The following MIPOL1 variants were observed in gnomAD, a reference collection of about 807,000 sequenced individuals.
MIPOL1 encodes the protein mirror-image polydactyly gene 1 protein.
MIPOL1 carries 57 observed loss-of-function variants against 60.9 expected under a neutral mutation model. The ratio of observed to expected loss-of-function variants is 0.94; its 90% CI spans 0.76 to 1.17. The LOEUF is 1.17. MIPOL1 is among the 50% of genes most tolerant of loss of function. MIPOL1 has a pLI of 0.00. For synonymous variants in MIPOL1, 179 were observed against 168.8 expected, an observed-to-expected ratio of 1.06 and a Z score of -0.47; for missense variants, 551 against 511.6, an observed-to-expected ratio of 1.08 and a Z score of -0.74.
intron 11 of MIPOL1, among the ~76,000 whole-genome samples, chr14:37,470,117 G>C (rs2094661261): frequency 6.6e-6 from 1 of 152,162 alleles, no homozygotes; most frequent in South Asian, 2.1e-4. Flanking sequence ...AAGAGAAAGA[G>C]CCAATTTGCA....
At chr14:37,336,863 C>T (rs1462431009) in intron 9 of MIPOL1, among the ~76,000 whole-genome samples, 5 of 151,840 alleles carry the variant, frequency 3.3e-5, no homozygotes, top group Admixed American at 1.3e-4. Flanking sequence ...CAGGTTCAAT[C>T]GATTCTCCTG....
chr14:37,276,567 C>A (rs1367858839), intron 6 of MIPOL1: 1 of 151,040 alleles, frequency 6.6e-6, no homozygotes, highest in Admixed American at 6.6e-5. Context: ...TGTATCATAT[C>A]TCAGATGATG....
chr14:37,458,880 A>C (rs1246974504), intron 11 of MIPOL1, among the ~76,000 whole-genome samples: 2 of 150,322 alleles, frequency 1.3e-5, no homozygotes, highest in African/African-American at 2.4e-5. Context: ...TAAATAAATA[A>C]ATAAATAGAA....
intron 7 of MIPOL1, among the ~76,000 whole-genome samples, chr14:37,306,721 T>C (rs1451450199): frequency 1.3e-5 from 2 of 151,894 alleles, no homozygotes; most frequent in African/African-American, 2.4e-5. Flanking sequence ...TATTATCTTA[T>C]ACTTTTCTGT....
chr14:37,269,262 T>G (rs999216473), intron 5 of MIPOL1, among the ~76,000 whole-genome samples: 1 of 152,210 alleles, frequency 6.6e-6, no homozygotes, highest in Non-Finnish European at 1.5e-5. Context: ...AATCTTATAC[T>G]GCTGCATTTT....
chr14:37,351,581 AC>A (rs1317582914), intron 9 of MIPOL1, among the ~76,000 whole-genome samples: 2 of 145,982 alleles, frequency 1.4e-5, no homozygotes, highest in Non-Finnish European at 3.0e-5. Context: ...TTGTTTCCTG[AC>A]TTTTTAATGA....
At chr14:37,290,414 TGG>T (rs2084952649) in intron 7 of MIPOL1, among the ~76,000 whole-genome samples, 1 of 152,056 alleles carries the variant, frequency 6.6e-6, no homozygotes, top group Non-Finnish European at 1.5e-5. Context: ...TTAGTAGAGA[TGG>T]GGTTTCACCA....
intron 10 of MIPOL1, among the ~76,000 whole-genome samples, chr14:37,386,409 A>G (rs2093068971): frequency 6.6e-6 from 1 of 152,024 alleles, no homozygotes; most frequent in South Asian, 2.1e-4. Flanking sequence ...CAGTTATGTC[A>G]AGCCTGGTTG....
At chr14:37,359,057 G>C (rs1595379459) in intron 9 of MIPOL1, among the ~76,000 whole-genome samples, 1 of 152,154 alleles carries the variant, frequency 6.6e-6, no homozygotes. Context: ...CATATGGCTA[G>C]CCAGTTTTCC....
intron 10 of MIPOL1, among the ~76,000 whole-genome samples, chr14:37,402,648 T>C (rs2093507167): frequency 6.6e-6 from 1 of 152,212 alleles, no homozygotes; most frequent in African/African-American, 2.4e-5. Flanking sequence ...TGTTCCAGTA[T>C]TTTTAAATTT....
intron 9 of MIPOL1, among the ~76,000 whole-genome samples, chr14:37,328,387 C>A (rs2089375987): frequency 6.6e-6 from 1 of 152,006 alleles, no homozygotes; most frequent in Non-Finnish European, 1.5e-5. Flanking sequence ...AGATGAGAAG[C>A]TAATCATCCA....
chr14:37,357,764 A>C (rs1161125068), intron 9 of MIPOL1, among the ~76,000 whole-genome samples: 1 of 151,218 alleles, frequency 6.6e-6, no homozygotes, highest in Non-Finnish European at 1.5e-5. Context: ...TTTTAAGTTG[A>C]TGGGATCTCA....
chr14:37,433,368 C>T (rs1357783308), intron 11 of MIPOL1, among the ~76,000 whole-genome samples: 7 of 152,134 alleles, frequency 4.6e-5, no homozygotes, highest in Non-Finnish European at 1.0e-4. Context: ...TATCCCTCCC[C>T]TTGCCCCCCA....
At chr14:37,226,766 T>G (rs942379626) in intron 1 of MIPOL1, among the ~76,000 whole-genome samples, 3 of 152,086 alleles carry the variant, frequency 2.0e-5, no homozygotes, top group African/African-American at 7.2e-5. Flanking sequence ...GTTGCACTAC[T>G]GCACACCAGC....
chr14:37,297,796 A>C (rs1008815604), intron 7 of MIPOL1, among the ~76,000 whole-genome samples: 2 of 151,906 alleles, frequency 1.3e-5, no homozygotes, highest in Non-Finnish European at 2.9e-5. Context: ...CTGCTCAAGG[A>C]AATAAAAGAG....
chr14:37,338,141 C>T (rs1162240210), intron 9 of MIPOL1, among the ~76,000 whole-genome samples: 10 of 135,340 alleles, frequency 7.4e-5, no homozygotes, highest in African/African-American at 2.8e-4. Context: ...GAGTCTCGCT[C>T]TGTCGCCCAG....
chr14:37,293,650 CAGG>C (rs1248820686), intron 7 of MIPOL1, among the ~76,000 whole-genome samples: 2 of 152,164 alleles, frequency 1.3e-5, no homozygotes, highest in Non-Finnish European at 1.5e-5. Context: ...AACGGCACAC[CAGG>C]AGATTATATC....
rs138371471 is a variant in MIPOL1, at chr14:37,257,095, T to TGTGTGTGTGTG, written c.19+9188_19+9189insGTGTGTGTGTG. On this transcript the variant is annotated intron_variant, in intron 3 of 12. Transcript: ENST00000684589. The stretch of plus-strand genomic sequence containing the variant: ...GTTTTTTGGGTTTTTTGGTTTTGTT[T>TGTGTGTGTGTG]TGTGTGTGTGTGTGTGTGTGTGTGT... 8.8e-4 allele frequency among the ~76,000 whole-genome samples: 121 copies of TGTGTGTGTGTG among 137,792 alleles called. 1 individual carries two copies. Among genetic ancestry groups the TGTGTGTGTGTG allele is most frequent in the Non-Finnish European group, 7.7e-4 (49 of 63,734 alleles). The allele number at this position is 137,792 out of a possible 152,430, so 90.4% of individuals were successfully genotyped here. A position where few individuals can be genotyped will look rare whatever the true frequency, so the allele number is the denominator to read the frequency against.
At chr14:37,533,040 A>G (rs184095727) in intron 12 of MIPOL1, among the ~76,000 whole-genome samples, 81 of 152,232 alleles carry the variant, frequency 5.3e-4, no homozygotes, top group African/African-American at 1.8e-3. Flanking sequence ...AACATTTTCT[A>G]TATTCTATGT....
Sources: allele counts gnomAD v4.1 joint callset (sites outside exome capture counted in the v4.1 genomes callset), GRCh38; gene constraint gnomAD v4.1.1; transcripts MANE v1.5; gene names NCBI Gene and HGNC (gene_info 2026-07-23, HGNC 2026-07-21).